The following SPON2 variants were observed in gnomAD, a reference collection of about 807,000 sequenced individuals.
SPON2 encodes the protein spondin 2.
SPON2 carries 32 observed loss-of-function variants against 29.9 expected under a neutral mutation model. The ratio of observed to expected loss-of-function variants is 1.07; its 90% confidence interval spans 0.81 to 1.44. The LOEUF is 1.44. Among genes scored for constraint, SPON2 ranks in the 40% most tolerant of loss-of-function variants. The pLI, the probability that SPON2 is intolerant of heterozygous loss-of-function variation, is 0.00. For synonymous variants in SPON2, 248 were observed against 209.1 expected, an observed-to-expected ratio of 1.19 and a Z score of -1.61; for missense variants, 541 against 455.5, an observed-to-expected ratio of 1.19 and a Z score of -1.71.
rs1223551428 is a variant in SPON2 at position 1,168,400 on chromosome 4, C to T, written c.812-744G>A. Among the ~76,000 whole-genome samples, 3 of 152,214 alleles carry T rather than the reference C, an allele frequency of 2.0e-5. 1 individual carries two copies. Among genetic ancestry groups the T allele is most frequent in the Admixed American group, 1.3e-4 (2 of 15,282 alleles). On this transcript the variant is annotated intron_variant, in intron 5 of 5. Transcript: ENST00000290902. ...GCTCTCCTCACAAATCTGCGAGTACCCTGCTGCCAGCTTTGTGGCTACTGA... is the reference window on the plus strand; with the variant it reads ...GCTCTCCTCACAAATCTGCGAGTACTCTGCTGCCAGCTTTGTGGCTACTGA...
upstream of SPON2, among the ~76,000 whole-genome samples, chr4:1,176,464 ACATT>A (rs1429977147): frequency 2.6e-5 from 4 of 152,172 alleles, no homozygotes; most frequent in East Asian, 1.9e-4. Context: ...CTCACACAGT[ACATT>A]CATTCATCCA....
Position 1,170,474 on chromosome 4 carries a change from T to G in SPON2, c.739A>C (p.Ser247Arg), listed in dbSNP as rs372894239. 1.2e-6 allele frequency: 2 copies of G among 1,614,014 alleles called. No homozygotes were observed. The highest frequency in any genetic ancestry group is 1.7e-6 in the Non-Finnish European group (2 of 1,179,948). ...GCGGGAGGGATGAAGGCCCTGGGGC[T>G]CTGTCGCAGCCGCACCAGTGTCACC... ...ARVTLVRLRQ[S>R]PRAFIPPAPV... Residue 247 changes from serine (S) to arginine (R), a missense_variant, in exon 5 of 6, where the codon AGC (serine) becomes CGC (arginine). Physicochemically the swap from Ser to Arg is moderately radical, Grantham distance 110. Transcript: ENST00000290902.
upstream of SPON2, among the ~76,000 whole-genome samples, chr4:1,174,353 G>T (rs1727545965): frequency 6.6e-6 from 1 of 151,992 alleles, no homozygotes; most frequent in Admixed American, 6.6e-5. Flanking sequence ...TGGATGTGGT[G>T]GTGCACGCCA....
intron 3 of SPON2, 27 bp from the exon 4 acceptor site, chr4:1,171,217 T>C: frequency 6.9e-7 from 1 of 1,458,560 alleles, no homozygotes. Flanking sequence ...TCAGCGCGCC[T>C]GGCCCCGGCC....
chr4:1,172,094 C>T lies in SPON2; in HGVS notation c.-3-20G>A. ...CATCACCTGGGAGCACAGAGGGGAG[C>T]AGCCGCGCGCTGGCACCGTCGTGGC... On this transcript the variant is annotated intron_variant, in intron 1 of 5. Coordinates refer to ENST00000290902, the MANE Select transcript of SPON2 (RefSeq NM_012445.4). The T allele has an allele frequency of 6.2e-7, 1 of 1,601,230 alleles. No individual in the cohort carries two copies. The highest frequency in any genetic ancestry group is 1.1e-5 in the South Asian group (1 of 90,654).
chr4:1,204,385 T>G (rs1330479561), intron 1 of SPON2, among the ~76,000 whole-genome samples: 1 of 151,026 alleles, frequency 6.6e-6, no homozygotes, highest in East Asian at 1.9e-4. Context: ...AGACGGGCAC[T>G]GACTGTCTGC....
upstream of SPON2, among the ~76,000 whole-genome samples, chr4:1,176,316 C>A (rs1479723872): frequency 6.6e-6 from 1 of 152,134 alleles, no homozygotes; most frequent in Non-Finnish European, 1.5e-5. Context: ...AGGTGTCCCC[C>A]CACCCACACA....
intron 1 of SPON2, among the ~76,000 whole-genome samples, chr4:1,185,831 C>G (rs541381769): frequency 9.2e-5 from 14 of 151,588 alleles, no homozygotes; most frequent in Admixed American, 3.9e-4. Flanking sequence ...AAACATAAGA[C>G]AAAGCTGTAC....
In SPON2 at chr4:1,204,506, A is replaced by G. The variant is rs139528501; in HGVS notation, c.-234+3374T>C. ...TAATGCCTGCGTGTTCACCGTTCGC[A>G]TTGTTACTGTGAGCGACCCACGCAC... is the stretch of plus-strand genomic sequence containing the variant. On this transcript the variant is annotated intron_variant, in intron 1 of 3. Transcript: ENST00000509233. Among the ~76,000 whole-genome samples the G allele has an allele frequency of 1.5e-3, 228 of 152,298 alleles. 6 individuals are homozygous for G. The South Asian group carries it at 0.036, about 24-fold the overall frequency.
chr4:1,170,609 T>C (rs1727397333), intron 4 of SPON2, 33 bp from the exon 5 acceptor site: 2 of 1,585,486 alleles, frequency 1.3e-6, no homozygotes, highest in Non-Finnish European at 8.6e-7. Context: ...TGGCCTGGGG[T>C]CCGAGAAGCC....
At chr4:1,206,283 C>G (rs927020349) in intron 1 of SPON2, among the ~76,000 whole-genome samples, 1 of 152,142 alleles carries the variant, frequency 6.6e-6, no homozygotes, top group Non-Finnish European at 1.5e-5. Context: ...TGCCAAGGGT[C>G]TGCGGGTGCC....
At position 1,170,638 on chromosome 4, in the gene SPON2, T is replaced by C. The variant is rs377191260; in HGVS notation, c.637-62A>G. 12 of 1,536,720 alleles carry C rather than the reference T, an allele frequency of 7.8e-6. No individual in the cohort carries two copies. The East Asian group carries it at 9.7e-5, about 12-fold the overall frequency. On this transcript the variant is annotated intron_variant, in intron 4 of 5. Transcript: ENST00000290902. ...AGAAGCCCACCTTCTGGTATGCGTATGGCCTCACTGGGGCCACTGCCCAGC... is the reference window on the plus strand; with the variant it reads ...AGAAGCCCACCTTCTGGTATGCGTACGGCCTCACTGGGGCCACTGCCCAGC...
intron 5 of SPON2, chr4:1,167,958 G>T: frequency 3.0e-6 from 1 of 336,182 alleles, no homozygotes; most frequent in Non-Finnish European, 5.4e-6. Flanking sequence ...TGGGAACCCC[G>T]TGGGAACCCC....
At chr4:1,176,063 T>C (rs878324), upstream of SPON2, among the ~76,000 whole-genome samples, 29,714 of 152,066 alleles carry the variant, frequency 0.2, 3,527 homozygotes, top group African/African-American at 0.34. Flanking sequence ...CTTAATTTTC[T>C]GGATCCTGTG....
intron 1 of SPON2, among the ~76,000 whole-genome samples, chr4:1,181,218 T>C (rs1197487279): frequency 6.6e-6 from 1 of 152,076 alleles, no homozygotes; most frequent in East Asian, 1.9e-4. Flanking sequence ...TGGAGGCCAG[T>C]AGGCAGTTGG....
At chr4:1,170,283 C>A in intron 5 of SPON2, 119 bp downstream of exon 5, 1 of 898,556 alleles carries the variant, frequency 1.1e-6, no homozygotes, top group South Asian at 1.5e-5. Context: ...CACCATCTTG[C>A]AGTACGCACT....
At chr4:1,197,406 C>T (rs1728093108), upstream of SPON2, among the ~76,000 whole-genome samples, 1 of 152,180 alleles carries the variant, frequency 6.6e-6, no homozygotes, top group Non-Finnish European at 1.5e-5. Context: ...CCAACACACT[C>T]CCAGGTAGCC....
At chr4:1,191,176 C>G (rs1236327307) in intron 1 of SPON2, among the ~76,000 whole-genome samples, 3 of 151,028 alleles carry the variant, frequency 2.0e-5, no homozygotes, top group African/African-American at 7.3e-5. Flanking sequence ...AATAAAAGAA[C>G]TAAATTGGAA....
chr4:1,186,222 T>A (rs925937729), intron 1 of SPON2, among the ~76,000 whole-genome samples: 2 of 132,666 alleles, frequency 1.5e-5, no homozygotes, highest in East Asian at 2.2e-4. Context: ...CCAGCTTGGG[T>A]GACAGAGCGA....
Sources: allele counts gnomAD v4.1 joint callset (sites outside exome capture counted in the v4.1 genomes callset), GRCh38; gene constraint gnomAD v4.1.1; transcripts MANE v1.5; gene names NCBI Gene and HGNC (gene_info 2026-07-23, HGNC 2026-07-21).